Variants in DACH1 observed in about 807,000 individuals in gnomAD.
DACH1 encodes the protein dachshund family transcription factor 1.
In DACH1, 12 loss-of-function variants were observed where a neutral mutation model predicts 54.2. That is an observed-to-expected ratio of 0.22 (90% CI 0.14 to 0.36). DACH1 has a LOEUF of 0.36. DACH1 is among the 10% of genes least tolerant of loss of function. The probability of loss-of-function intolerance (pLI) is 1.00; values close to 1 mark genes in which losing one functional copy is unlikely to be tolerated. For missense variants in DACH1, 805 were observed against 929.8 expected (o/e 0.87, Z 1.75); for synonymous variants, 386 against 366.2 (o/e 1.05, Z -0.62).
Position 71,439,315 on chromosome 13 carries a change from G to A in DACH1, c.*1340C>T, listed in dbSNP as rs138767051. ...TAGCATGTAATAAGCACTGTTTGCC[G>A]CTTTACTTCCAGTTATCTGCACGAA... On this transcript the variant is annotated 3_prime_UTR_variant, in exon 11 of 11. Transcript: ENST00000613252. The A allele has an allele frequency of 4.6e-5, 7 of 152,426 alleles. No homozygotes were observed. Among genetic ancestry groups the A allele is most frequent in the Admixed American group, 2.6e-4 (4 of 15,250 alleles). The allele number at this position is 152,426 out of a possible 1,614,324, so 9.4% of individuals were successfully genotyped here.
intron 6 of DACH1, among the ~76,000 whole-genome samples, chr13:71,492,567 G>C (rs778810068): frequency 6.6e-6 from 1 of 152,092 alleles, no homozygotes; most frequent in African/African-American, 2.4e-5. Flanking sequence ...CTAGTCTCCA[G>C]AACTGTGAGA....
At chr13:71,445,940 A>G (rs1874418605) in intron 10 of DACH1, among the ~76,000 whole-genome samples, 1 of 152,206 alleles carries the variant, frequency 6.6e-6, no homozygotes, top group Non-Finnish European at 1.5e-5. Flanking sequence ...ATATGGTCCT[A>G]TAATTCAAAC....
chr13:71,470,180 T>TA (rs1876944892), intron 10 of DACH1, among the ~76,000 whole-genome samples: 1 of 152,242 alleles, frequency 6.6e-6, no homozygotes, highest in South Asian at 2.1e-4. Context: ...TAAGTATTTA[T>TA]AGAATCCAAA....
intron 1 of DACH1, among the ~76,000 whole-genome samples, chr13:71,794,567 A>G (rs905824003): frequency 3.9e-5 from 6 of 152,202 alleles, no homozygotes; most frequent in African/African-American, 1.4e-4. Flanking sequence ...TCTCTCATAC[A>G]GGTGGGATTA....
Position 71,592,371 on chromosome 13 carries a change from C to T in DACH1, c.1127-19359G>A, listed in dbSNP as rs558418683. ...CTAGCTGGGCGTGGTGACATCCACC[C>T]GTGGTCCCAGCTACTTGAGGTATTG... is the stretch of plus-strand genomic sequence containing the variant. On this transcript the variant is annotated intron_variant, in intron 3 of 10. Transcript: ENST00000613252. Among the ~76,000 whole-genome samples, 10 of 150,836 alleles carry T rather than the reference C, an allele frequency of 6.6e-5. No homozygotes were observed. The South Asian group carries it at 1.9e-3, about 29-fold the overall frequency.
At chr13:71,464,803 T>G in intron 10 of DACH1, 1 of 435,862 alleles carries the variant, frequency 2.3e-6, no homozygotes, top group Non-Finnish European at 4.5e-6. Flanking sequence ...CACAGAAATC[T>G]GTAAAGATAT....
chr13:71,610,960 T>C (rs1472970780), intron 3 of DACH1, among the ~76,000 whole-genome samples: 1 of 152,166 alleles, frequency 6.6e-6, no homozygotes, highest in Admixed American at 6.6e-5. Flanking sequence ...AACCTGATAA[T>C]CACTCTTGTC....
chr13:71,738,943 G>T lies in DACH1; in HGVS notation c.849-57033C>A, dbSNP rs1029659745. ...CTACATTGGACACAGGAAGAAACGC[G>T]AATCAACAACTATTATGAGAAATTG... On this transcript the variant is annotated intron_variant, in intron 1 of 10. Coordinates refer to ENST00000613252, the MANE Select transcript of DACH1 (RefSeq NM_080759.6). Among the ~76,000 whole-genome samples, 6 of 151,734 alleles carry T rather than the reference G, an allele frequency of 4.0e-5. No homozygotes were observed. The South Asian group carries it at 6.2e-4, about 16-fold the overall frequency.
intron 1 of DACH1, among the ~76,000 whole-genome samples, chr13:71,735,311 T>TATACGGGATATACAC (rs1884006385): frequency 2.3e-5 from 1 of 43,640 alleles, no homozygotes; most frequent in African/African-American, 5.1e-5. Flanking sequence ...GGGATATACG[T>TATACGGGATATACAC]GTATATGGGA....
chr13:71,766,160 A>C (rs1369203978), intron 1 of DACH1, among the ~76,000 whole-genome samples: 1 of 152,144 alleles, frequency 6.6e-6, no homozygotes, highest in Admixed American at 6.5e-5. Flanking sequence ...TGCTGGGATT[A>C]CAGGCGTGAG....
At chr13:71,740,216 A>G (rs1304376091) in intron 1 of DACH1, among the ~76,000 whole-genome samples, 2 of 152,192 alleles carry the variant, frequency 1.3e-5, no homozygotes, top group African/African-American at 4.8e-5. Flanking sequence ...CATCTGGCAT[A>G]TCTTCTTCAA....
intron 3 of DACH1, among the ~76,000 whole-genome samples, chr13:71,627,928 G>A (rs1876783481): frequency 6.6e-6 from 1 of 151,998 alleles, no homozygotes; most frequent in South Asian, 2.1e-4. Flanking sequence ...CAGATTTGAA[G>A]AAATCATAAT....
At chr13:71,551,947 C>A (rs1366347700) in intron 6 of DACH1, among the ~76,000 whole-genome samples, 2 of 151,956 alleles carry the variant, frequency 1.3e-5, no homozygotes, top group African/African-American at 4.8e-5. Context: ...GAGCATTCCC[C>A]ACCAAGCAGA....
intron 3 of DACH1, among the ~76,000 whole-genome samples, chr13:71,616,511 C>A (rs544342815): frequency 7.0e-4 from 106 of 152,162 alleles, no homozygotes; most frequent in Non-Finnish European, 1.3e-3. Context: ...ATTTGGGAGT[C>A]CAAGAGGGGA....
intron 6 of DACH1, among the ~76,000 whole-genome samples, chr13:71,541,240 T>C (rs922949331): frequency 6.6e-6 from 1 of 152,044 alleles, no homozygotes; most frequent in African/African-American, 2.4e-5. Flanking sequence ...GTGCAAGAGA[T>C]TTACTAACCA....
intron 2 of DACH1, among the ~76,000 whole-genome samples, chr13:71,635,837 G>A (rs1357623674): frequency 6.6e-6 from 1 of 152,094 alleles, no homozygotes; most frequent in African/African-American, 2.4e-5. Flanking sequence ...CTGGAGTGCA[G>A]TAGTGGGATC....
intron 1 of DACH1, among the ~76,000 whole-genome samples, chr13:71,841,990 C>A (rs1273505460): frequency 1.3e-5 from 2 of 152,150 alleles, no homozygotes; most frequent in Admixed American, 6.5e-5. Flanking sequence ...CCCTCACTGA[C>A]AAATGAGAAA....
intron 9 of DACH1, 102 bp from the exon 10 acceptor site, chr13:71,475,311 C>G (rs946059789): frequency 4.1e-6 from 4 of 982,536 alleles, no homozygotes; most frequent in Non-Finnish European, 6.3e-6. Flanking sequence ...ATTAAAATTA[C>G]GTAAATCTTT....
At chr13:71,802,802 T>G (rs1594240204) in intron 1 of DACH1, among the ~76,000 whole-genome samples, 1 of 152,082 alleles carries the variant, frequency 6.6e-6, no homozygotes, top group Non-Finnish European at 1.5e-5. Context: ...GTAGTGATTA[T>G]AGATATGCTA....
Sources: allele counts gnomAD v4.1 joint callset (sites outside exome capture counted in the v4.1 genomes callset), GRCh38; gene constraint gnomAD v4.1.1; transcripts MANE v1.5; gene names NCBI Gene and HGNC (gene_info 2026-07-23, HGNC 2026-07-21).